The following CPA6 variants were observed in gnomAD, a reference collection of about 807,000 sequenced individuals.
CPA6 encodes the protein carboxypeptidase A6.
CPA6 carries 58 observed loss-of-function variants against 63.3 expected under a neutral mutation model. The observed-to-expected ratio is 0.92, with a 90% CI of 0.74 to 1.14. The LOEUF (loss-of-function observed/expected upper bound fraction) is 1.14, where lower values mean the gene tolerates loss of function less well. CPA6 is among the 50% of genes most tolerant of loss of function. The pLI is 0.00. For synonymous variants in CPA6, 185 were observed against 179.0 expected (o/e 1.03, Z -0.27); for missense variants, 565 against 526.6 (o/e 1.07, Z -0.71).
intron 8 of CPA6, among the ~76,000 whole-genome samples, chr8:67,460,017 GA>G (rs905002697): frequency 3.0e-4 from 45 of 151,996 alleles, no homozygotes; most frequent in African/African-American, 9.4e-4. Context: ...GTCTTGGGGG[GA>G]AAAAAAGGCA....
intron 1 of CPA6, among the ~76,000 whole-genome samples, chr8:67,639,792 A>G (rs1435249332): frequency 6.6e-6 from 1 of 151,564 alleles, no homozygotes. Flanking sequence ...TCCTGTGTCC[A>G]GGAAGAATGA....
rs555540077 is a variant in CPA6, at chr8:67,612,363, C to T, written c.192+11813G>A. Among the ~76,000 whole-genome samples the T allele has an allele frequency of 3.3e-5, 5 of 152,312 alleles. No individual in the cohort carries two copies. The South Asian group carries it at 6.2e-4, about 19-fold the overall frequency. On this transcript the variant is annotated intron_variant, in intron 2 of 10. Transcript: ENST00000297770. Reference sequence around the variant, plus strand: ...CCCATAACACAGAGGCATCTTCTGACTGTGCTCCCAATATCACCTCTCTAA... The same window carrying T: ...CCCATAACACAGAGGCATCTTCTGATTGTGCTCCCAATATCACCTCTCTAA...
chr8:67,564,415 CTT>C (rs200491437), intron 2 of CPA6, among the ~76,000 whole-genome samples: 37 of 141,088 alleles, frequency 2.6e-4, no homozygotes, highest in African/African-American at 7.3e-4. Context: ...TAAAAGTGTT[CTT>C]TTTTTTTTTT....
chr8:67,596,174 G>A lies in CPA6; in HGVS notation c.192+28002C>T, dbSNP rs555787049. ...TGATTTGGAAGTTATACCTTCTCCC[G>A]AGGAACACCCTTTAACATTTCCTTT... is the stretch of plus-strand genomic sequence containing the variant. On this transcript the variant is annotated intron_variant, in intron 2 of 10. Transcript: ENST00000297770. 1.1e-3 allele frequency among the ~76,000 whole-genome samples: 169 copies of A among 152,172 alleles called. 1 individual carries two copies. Among genetic ancestry groups the A allele is most frequent in the African/African-American group, 3.9e-3 (163 of 41,516 alleles).
intron 1 of CPA6, among the ~76,000 whole-genome samples, chr8:67,664,943 C>T (rs751716996): frequency 1.3e-5 from 2 of 152,048 alleles, no homozygotes; most frequent in Non-Finnish European, 2.9e-5. Context: ...ATACACTAAA[C>T]CAAAAGAGAT....
chr8:67,723,586 A>G (rs1272137757), intron 1 of CPA6, among the ~76,000 whole-genome samples: 2 of 152,188 alleles, frequency 1.3e-5, no homozygotes, highest in African/African-American at 2.4e-5. Context: ...AGCACTAAGC[A>G]TTTTCTATCT....
rs1816654008 is a variant in CPA6, at chr8:67,684,017, ATAT to A, written c.117-59769_117-59767del. 2.8e-5 allele frequency among the ~76,000 whole-genome samples: 4 copies of A among 144,930 alleles called. No individual in the cohort carries two copies. In the Middle Eastern group the frequency reaches 0.011, roughly 391 times the overall value. On this transcript the variant is annotated intron_variant, in intron 1 of 10. Coordinates refer to ENST00000297770, the MANE Select transcript of CPA6 (RefSeq NM_020361.5). Reference sequence around the variant, plus strand: ...TTTTAAAATGTATATATATATATATATATATATATATATAATTTTTATTTTATT... The same window carrying A: ...TTTTAAAATGTATATATATATATATAATATATATATAATTTTTATTTTATT...
intron 1 of CPA6, among the ~76,000 whole-genome samples, chr8:67,633,760 T>A (rs1421346673): frequency 6.6e-6 from 1 of 152,180 alleles, no homozygotes; most frequent in African/African-American, 2.4e-5. Flanking sequence ...CTTCTGTGTA[T>A]TAGTGATTTT....
intron 1 of CPA6, among the ~76,000 whole-genome samples, chr8:67,652,266 A>G (rs1030085007): frequency 1.3e-5 from 2 of 152,110 alleles, no homozygotes; most frequent in African/African-American, 2.4e-5. Flanking sequence ...CCAGTAATGG[A>G]ATGGCTGGGT....
intron 8 of CPA6, among the ~76,000 whole-genome samples, chr8:67,438,240 A>G (rs1004599645): frequency 6.6e-6 from 1 of 152,202 alleles, no homozygotes; most frequent in Non-Finnish European, 1.5e-5. Flanking sequence ...ACAATTAAGG[A>G]AAGATTGAAT....
At chr8:67,581,779 C>T (rs1321786651) in intron 2 of CPA6, among the ~76,000 whole-genome samples, 2 of 152,150 alleles carry the variant, frequency 1.3e-5, no homozygotes, top group Non-Finnish European at 2.9e-5. Flanking sequence ...AAATATTATG[C>T]TTTGTTGTTT....
intron 2 of CPA6, among the ~76,000 whole-genome samples, chr8:67,595,034 A>T (rs544335403): frequency 6.6e-6 from 1 of 152,006 alleles, no homozygotes; most frequent in Admixed American, 6.5e-5. Flanking sequence ...GTCTTTGATG[A>T]TGGTGATGTA....
Position 67,562,620 on chromosome 8 carries a change from C to T in CPA6, c.193-44573G>A, listed in dbSNP as rs572913382. Among the ~76,000 whole-genome samples, 13 of 152,220 alleles carry T rather than the reference C, an allele frequency of 8.5e-5. No individual in the cohort carries two copies. In the South Asian group the frequency reaches 1.0e-3, roughly 12 times the overall value. On this transcript the variant is annotated intron_variant, in intron 2 of 10. Coordinates refer to ENST00000297770, the MANE Select transcript of CPA6 (RefSeq NM_020361.5). ...AGGAGGTGAGGCTTTTAGGAGGTGA[C>T]GCTTTTGGGAGGTGATTAGGTCAAG... is the stretch of plus-strand genomic sequence containing the variant.
chr8:67,643,864 A>G (rs1283373739), intron 1 of CPA6, among the ~76,000 whole-genome samples: 1 of 152,208 alleles, frequency 6.6e-6, no homozygotes, highest in African/African-American at 2.4e-5. Flanking sequence ...AGGTCTGATA[A>G]GCATCCCAGG....
intron 6 of CPA6, among the ~76,000 whole-genome samples, chr8:67,487,746 C>T (rs1811513380): frequency 6.6e-6 from 1 of 152,164 alleles, no homozygotes; most frequent in Non-Finnish European, 1.5e-5. Context: ...TAATGATCAC[C>T]ATTCTAACTG....
chr8:67,736,851 T>C (rs4272360), intron 1 of CPA6, among the ~76,000 whole-genome samples: 124,765 of 152,192 alleles, frequency 0.82, 51,352 homozygotes, highest in Admixed American at 0.86. Flanking sequence ...TCTACTTACC[T>C]GATTCTGAGA....
chr8:67,498,772 T>C (rs965135325), intron 6 of CPA6, among the ~76,000 whole-genome samples: 9 of 152,090 alleles, frequency 5.9e-5, no homozygotes, highest in African/African-American at 2.2e-4. Flanking sequence ...AGAGAAAGAT[T>C]TTGCAATCTA....
At chr8:67,640,197 G>T (rs1815558701) in intron 1 of CPA6, among the ~76,000 whole-genome samples, 1 of 151,446 alleles carries the variant, frequency 6.6e-6, no homozygotes, top group South Asian at 2.1e-4. Flanking sequence ...GCTCCCCCCA[G>T]CTTGGAGGTG....
At chr8:67,669,512 C>T (rs2128994112) in intron 1 of CPA6, among the ~76,000 whole-genome samples, 1 of 152,262 alleles carries the variant, frequency 6.6e-6, no homozygotes, top group East Asian at 1.9e-4. Flanking sequence ...AAGAGCAATG[C>T]TACAGAATTT....
Sources: allele counts gnomAD v4.1 joint callset (sites outside exome capture counted in the v4.1 genomes callset), GRCh38; gene constraint gnomAD v4.1.1; transcripts MANE v1.5; gene names NCBI Gene and HGNC (gene_info 2026-07-23, HGNC 2026-07-21).